The following STK32B variants were observed in gnomAD, a reference collection of about 807,000 sequenced individuals.
The protein encoded by STK32B is serine/threonine kinase 32B.
STK32B carries 43 observed loss-of-function variants against 52.6 expected under a neutral mutation model. The ratio of observed to expected loss-of-function variants is 0.82; its 90% CI spans 0.64 to 1.05. STK32B has a LOEUF of 1.05. STK32B is among the 50% of genes least tolerant of loss of function. The probability of loss-of-function intolerance (pLI) is 0.00; values close to 1 mark genes in which losing one functional copy is unlikely to be tolerated. For missense variants in STK32B, 621 were observed against 534.6 expected (o/e 1.16, Z -1.59); for synonymous variants, 238 against 204.3 (o/e 1.17, Z -1.41).
chr4:5,219,028 G>C (rs766412866), intron 3 of STK32B, among the ~76,000 whole-genome samples: 7 of 152,196 alleles, frequency 4.6e-5, no homozygotes, highest in Non-Finnish European at 7.3e-5. Flanking sequence ...GGCCTGGAGA[G>C]CCCCCTGGTT....
intron 4 of STK32B, among the ~76,000 whole-genome samples, chr4:5,352,209 C>A (rs183942893): frequency 5.8e-4 from 88 of 152,152 alleles, no homozygotes; most frequent in African/African-American, 2.1e-3. Flanking sequence ...AAAATACTTG[C>A]AAACCAAATC....
chr4:5,156,490 T>G (rs1316082231), intron 2 of STK32B, among the ~76,000 whole-genome samples: 1 of 152,158 alleles, frequency 6.6e-6, no homozygotes, highest in Non-Finnish European at 1.5e-5. Flanking sequence ...CACTCTCCAT[T>G]GGCTCCTCTT....
At chr4:5,105,570 C>CT (rs1425408559) in intron 1 of STK32B, among the ~76,000 whole-genome samples, 26 of 151,030 alleles carry the variant, frequency 1.7e-4, no homozygotes, top group East Asian at 9.7e-4. Flanking sequence ...TTGCTGGTGT[C>CT]TTTTTTTTTC....
chr4:5,441,141 C>A (rs1382924334), intron 6 of STK32B, among the ~76,000 whole-genome samples: 1 of 148,468 alleles, frequency 6.7e-6, no homozygotes, highest in African/African-American at 2.5e-5. Flanking sequence ...GGGAGGATTC[C>A]CTCTTTTTCT....
At chr4:5,216,025 C>CT (rs1326588798) in intron 3 of STK32B, among the ~76,000 whole-genome samples, 2 of 152,158 alleles carry the variant, frequency 1.3e-5, no homozygotes, top group Non-Finnish European at 2.9e-5. Flanking sequence ...TCTAGTTTTG[C>CT]TTTTTGTGGT....
intron 2 of STK32B, among the ~76,000 whole-genome samples, chr4:5,165,763 A>G (rs1301449936): frequency 1.3e-5 from 2 of 152,152 alleles, no homozygotes; most frequent in Non-Finnish European, 2.9e-5. Flanking sequence ...GCCTCCTTGC[A>G]TTTTATATTC....
intron 3 of STK32B, among the ~76,000 whole-genome samples, chr4:5,183,794 C>T (rs893987746): frequency 1.3e-5 from 2 of 152,192 alleles, no homozygotes; most frequent in Non-Finnish European, 2.9e-5. Context: ...TTTTTATGTC[C>T]TGGAAACAGC....
At chr4:5,061,167 A>G (rs1372897886) in intron 1 of STK32B, among the ~76,000 whole-genome samples, 2 of 152,198 alleles carry the variant, frequency 1.3e-5, no homozygotes, top group African/African-American at 2.4e-5. Context: ...GGCTTTGACA[A>G]TACTTCTTTG....
chr4:5,319,548 C>T (rs1275857011), intron 3 of STK32B, among the ~76,000 whole-genome samples: 3 of 146,580 alleles, frequency 2.0e-5, no homozygotes, highest in African/African-American at 2.7e-5. Context: ...TCCTCACTCC[C>T]ATCTTACCCC....
intron 11 of STK32B, among the ~76,000 whole-genome samples, chr4:5,497,801 T>G (rs1317788719): frequency 6.6e-6 from 1 of 152,140 alleles, no homozygotes; most frequent in African/African-American, 2.4e-5. Flanking sequence ...ACCCTGCATA[T>G]AAGCAGCATA....
chr4:5,119,365 C>T (rs778586383), intron 1 of STK32B, among the ~76,000 whole-genome samples: 11 of 152,222 alleles, frequency 7.2e-5, no homozygotes, highest in African/African-American at 1.4e-4. Flanking sequence ...CTCCCACCAA[C>T]GGGGCTTTAG....
intron 4 of STK32B, among the ~76,000 whole-genome samples, chr4:5,356,770 G>A (rs773023044): frequency 6.6e-6 from 1 of 152,290 alleles, no homozygotes; most frequent in Non-Finnish European, 1.5e-5. Flanking sequence ...ACCGAGGCAG[G>A]TGTATCACCT....
intron 4 of STK32B, among the ~76,000 whole-genome samples, chr4:5,364,479 A>G (rs749508003): frequency 6.6e-6 from 1 of 152,200 alleles, no homozygotes; most frequent in Non-Finnish European, 1.5e-5. Context: ...CAGCTGGGCC[A>G]TTACAGTGGA....
chr4:5,364,929 G>T (rs1331000956), intron 4 of STK32B, among the ~76,000 whole-genome samples: 2 of 152,174 alleles, frequency 1.3e-5, no homozygotes, highest in East Asian at 3.9e-4. Context: ...AGGCTGGAGT[G>T]CAATGGTGCA....
At chr4:5,334,093 T>C (rs1357378619) in intron 4 of STK32B, among the ~76,000 whole-genome samples, 3 of 152,118 alleles carry the variant, frequency 2.0e-5, no homozygotes, top group African/African-American at 7.2e-5. Flanking sequence ...ACGATATTGA[T>C]TCTTCCTACC....
At chr4:5,087,375 A>T (rs13134613) in intron 1 of STK32B, among the ~76,000 whole-genome samples, 1 of 151,896 alleles carries the variant, frequency 6.6e-6, no homozygotes, top group East Asian at 1.9e-4. Context: ...GAAGGCAGTA[A>T]TAGAGGAATT....
At chr4:5,456,964 G>C in intron 8 of STK32B, 41 bp downstream of exon 8, 1 of 1,432,242 alleles carries the variant, frequency 7.0e-7, no homozygotes, top group Non-Finnish European at 9.4e-7. Context: ...AGGGAGCTAC[G>C]GTGAGTGTAG....
Position 5,467,141 on chromosome 4 carries a change from G to A in STK32B, c.1041+307G>A, listed in dbSNP as rs1468602445. ...ATTTTGTACCGCAGAGGCCCCCAGG[G>A]CTGCACGATGACTTTTGTGGGTCCT... is the stretch of plus-strand genomic sequence containing the variant. On this transcript the variant is annotated intron_variant, in intron 10 of 11. Transcript: ENST00000282908. The surrounding 1 kb of genome is among the most constrained non-coding windows in gnomAD (Gnocchi z 5.8). Among the ~76,000 whole-genome samples, 2 of 152,078 alleles carry A rather than the reference G, an allele frequency of 1.3e-5. No individual in the cohort carries two copies. Among genetic ancestry groups the A allele is most frequent in the Non-Finnish European group, 2.9e-5 (2 of 68,004 alleles).
intron 3 of STK32B, among the ~76,000 whole-genome samples, chr4:5,291,627 G>C (rs1262648947): frequency 6.6e-6 from 1 of 152,046 alleles, no homozygotes; most frequent in African/African-American, 2.4e-5. Flanking sequence ...TTCTAATCTA[G>C]ATGGCTTTTA....
Sources: gnomAD v4.1 joint callset for allele counts (sites outside exome capture counted in the v4.1 genomes callset) on GRCh38, gnomAD v4.1.1 for gene constraint, Gnocchi (gnomAD v3.1) non-coding constraint, MANE v1.5 for transcripts, NCBI Gene and HGNC (gene_info 2026-07-23, HGNC 2026-07-21) for gene names.